Variants in OSGIN1 observed in about 807,000 individuals in gnomAD.
OSGIN1 encodes the protein oxidative stress induced growth inhibitor 1, also known as oxidative stress-induced growth inhibitor 1.
In OSGIN1, 19 loss-of-function variants were observed where a neutral mutation model predicts 20.1. The ratio of observed to expected loss-of-function variants is 0.95; its 90% CI spans 0.66 to 1.39. The LOEUF is 1.39. Among genes scored for constraint, OSGIN1 ranks in the 40% most tolerant of loss-of-function variants. The pLI is 0.00. For synonymous variants in OSGIN1, 368 were observed against 297.8 expected, an observed-to-expected ratio of 1.24 and a Z score of -2.43; for missense variants, 820 against 653.0, an observed-to-expected ratio of 1.26 and a Z score of -2.79.
chr16:83,960,839 C>G (rs1909179716), intron 4 of OSGIN1, 79 bp downstream of exon 4: 1 of 1,511,130 alleles, frequency 6.6e-7, no homozygotes, highest in Non-Finnish European at 9.0e-7. Flanking sequence ...ACTCTGGCAT[C>G]TCCCTTTCCT....
chr16:83,960,933 G>C, intron 4 of OSGIN1, 48 bp from the exon 5 acceptor site: 1 of 1,577,836 alleles, frequency 6.3e-7, no homozygotes, highest in South Asian at 1.1e-5. Flanking sequence ...AGCCCCAAAT[G>C]GGTTCAGGCG....
intron 3 of OSGIN1, 84 bp downstream of exon 3, chr16:83,959,480 G>C (rs948487893): frequency 1.7e-5 from 22 of 1,310,032 alleles, no homozygotes; most frequent in Non-Finnish European, 2.3e-5. Flanking sequence ...AAAAACAAAA[G>C]TGTGTGTTTG....
chr16:83,953,652 C>G (rs574697709), intron 1 of OSGIN1, among the ~76,000 whole-genome samples: 1 of 152,348 alleles, frequency 6.6e-6, no homozygotes, highest in South Asian at 2.1e-4. Context: ...GCCATGTGAC[C>G]GCCGCTCCTA....
At chr16:83,953,842 G>C (rs758305532) in intron 1 of OSGIN1, among the ~76,000 whole-genome samples, 25 of 152,244 alleles carry the variant, frequency 1.6e-4, no homozygotes, top group Admixed American at 7.8e-4. Context: ...GCTTCTCTCA[G>C]GAGGCTCAAG....
At chr16:83,953,402 G>C (rs1412758032) in intron 1 of OSGIN1, 32 bp downstream of exon 1, 1 of 1,287,630 alleles carries the variant, frequency 7.8e-7, no homozygotes, top group East Asian at 5.6e-5. Context: ...CCGGGGCAGG[G>C]AATCAGGCAC....
intron 2 of OSGIN1, 44 bp from the exon 3 acceptor site, chr16:83,959,210 TCCCCCA>T (rs748194274): frequency 1.2e-5 from 16 of 1,381,974 alleles, no homozygotes; most frequent in Non-Finnish European, 1.5e-5. Flanking sequence ...CACAGTAGTG[TCCCCCA>T]CCTGAAAAGG....
chr16:83,957,334 A>T (rs1307576407), intron 1 of OSGIN1, among the ~76,000 whole-genome samples: 5 of 151,982 alleles, frequency 3.3e-5, no homozygotes, highest in East Asian at 1.9e-4. Flanking sequence ...AGTTTCGGGG[A>T]CTGTTACTGC....
At position 83,959,416 on chromosome 16, in the gene OSGIN1, G is replaced by C; in HGVS notation, c.204+20G>C. The stretch of plus-strand genomic sequence containing the variant: ...GACCAGGTGGGTCAGCCTGGGGCCA[G>C]AGCTCTGGGTAGTACATACCCGCCC... On this transcript the variant is annotated intron_variant, in intron 3 of 5. Transcript: ENST00000393306. 1 of 1,612,738 alleles carries C rather than the reference G, an allele frequency of 6.2e-7. No individual in the cohort carries two copies. Among genetic ancestry groups the C allele is most frequent in the Non-Finnish European group, 8.5e-7 (1 of 1,179,412 alleles).
rs139144207 is a variant in OSGIN1, at chr16:83,957,317, G to T, written c.-32-323G>T. On this transcript the variant is annotated intron_variant, in intron 1 of 5. Coordinates refer to ENST00000393306, the MANE Select transcript of OSGIN1 (RefSeq NM_182981.3). ...GCAGGAATGGCCTCTCGGGAAGACA[G>T]ATAATGAGTTTCGGGGACTGTTACT... Among the ~76,000 whole-genome samples the T allele has an allele frequency of 3.2e-3, 481 of 152,258 alleles. 4 individuals carry two copies. Among genetic ancestry groups the T allele is most frequent in the African/African-American group, 0.011 (437 of 41,538 alleles).
chr16:83,953,412 C>T (rs1344984602), intron 1 of OSGIN1, 42 bp downstream of exon 1: 2 of 1,284,956 alleles, frequency 1.6e-6, no homozygotes, highest in Non-Finnish European at 2.0e-6. Context: ...GAATCAGGCA[C>T]ATCCCAGGCA....
rs1452485293 is a variant in OSGIN1 at position 83,959,361 on chromosome 16, C to G, written c.169C>G (p.Leu57Val). Residue 57 changes from leucine to valine, a missense_variant, in exon 3 of 6, where the codon CTC becomes GTC. By Grantham distance (32) the Leu-to-Val change is conservative. Coordinates refer to ENST00000393306, the MANE Select transcript of OSGIN1 (RefSeq NM_182981.3). ...IHPHPLLQRK[L>V]TEAPGVSILD... ...CCCACACCCCCTGCTGCAGAGGAAG[C>G]TCACCGAGGCCCCGGGGGTCTCCAT... 2 of 1,613,756 alleles carry G rather than the reference C, an allele frequency of 1.2e-6. No homozygotes were observed. Among genetic ancestry groups the G allele is most frequent in the Non-Finnish European group, 1.7e-6 (2 of 1,179,988 alleles).
intron 2 of OSGIN1, among the ~76,000 whole-genome samples, chr16:83,958,350 G>A (rs535128485): frequency 6.6e-6 from 1 of 152,210 alleles, no homozygotes; most frequent in Non-Finnish European, 1.5e-5. Flanking sequence ...AGGGAGGCCT[G>A]GTCCTGAGCC....
At chr16:83,961,975 T>C (rs1287119455) in intron 5 of OSGIN1, among the ~76,000 whole-genome samples, 1 of 151,430 alleles carries the variant, frequency 6.6e-6, no homozygotes, top group Non-Finnish European at 1.5e-5. Context: ...TTTTTTTTTT[T>C]TTTAATGCTT....
intron 1 of OSGIN1, among the ~76,000 whole-genome samples, chr16:83,957,403 C>T (rs1404574246): frequency 6.6e-6 from 1 of 152,038 alleles, no homozygotes; most frequent in Non-Finnish European, 1.5e-5. Context: ...CTGGGGCAAC[C>T]AGGCCCGAGG....
Position 83,965,146 on chromosome 16 carries a change from CTT to C in OSGIN1, c.575_576del (p.Phe192CysfsTer76). 1 of 1,613,486 alleles carries C rather than the reference CTT, an allele frequency of 6.2e-7. No homozygotes were observed. The highest frequency in any genetic ancestry group is 8.5e-7 in the Non-Finnish European group (1 of 1,180,020). On this transcript the variant is annotated frameshift_variant, in exon 6 of 6. Transcript: ENST00000393306. LOFTEE classifies it low-confidence loss of function (END_TRUNC). Reference protein sequence around the residue: ...YVVKKGLGHNFVSGAVVTAVE... With the variant: ...YVVKKGLGHNXVSGAVVTAVE... ...TGGTCAAGAAGGGTCTGGGGCATAA[CTT>C]TGTGTCCGGTGCTGTAGTCACAGCC... is the stretch of plus-strand genomic sequence containing the variant.
At chr16:83,962,053 A>G (rs1206247555) in intron 5 of OSGIN1, among the ~76,000 whole-genome samples, 1 of 150,396 alleles carries the variant, frequency 6.6e-6, no homozygotes, top group African/African-American at 2.5e-5. Flanking sequence ...ACCTAAGGTC[A>G]TGCAGGTTAT....
intron 1 of OSGIN1, chr16:83,954,869 C>G (rs1908851258): frequency 2.2e-6 from 1 of 449,584 alleles, no homozygotes; most frequent in South Asian, 9.2e-5. Flanking sequence ...GTGGGAAAAT[C>G]TGAAAGAACA....
intron 1 of OSGIN1, among the ~76,000 whole-genome samples, chr16:83,956,605 GT>G (rs1168127055): frequency 2.6e-5 from 4 of 152,232 alleles, no homozygotes; most frequent in African/African-American, 4.8e-5. Context: ...ACACTGAGAA[GT>G]TTGTGCGACC....
At chr16:83,958,614 G>T (rs1909054416) in intron 2 of OSGIN1, among the ~76,000 whole-genome samples, 1 of 152,240 alleles carries the variant, frequency 6.6e-6, no homozygotes, top group Non-Finnish European at 1.5e-5. Context: ...GACGAGATAA[G>T]AAGAGGGGAA....
Sources: gnomAD v4.1 joint callset for allele counts (sites outside exome capture counted in the v4.1 genomes callset) on GRCh38, gnomAD v4.1.1 for gene constraint, MANE v1.5 for transcripts, NCBI Gene and HGNC (gene_info 2026-07-23, HGNC 2026-07-21) for gene names.